The following PRPF18 variants were observed in gnomAD, a reference collection of about 807,000 sequenced individuals.
PRPF18 encodes the protein pre-mRNA-splicing factor 18.
PRPF18 carries 38 observed loss-of-function variants against 46.5 expected under a neutral mutation model. The observed-to-expected ratio is 0.82, with a 90% CI of 0.63 to 1.07. The LOEUF (loss-of-function observed/expected upper bound fraction) is 1.07. Among genes scored for constraint, PRPF18 ranks in the 50% least tolerant of loss-of-function variants. The pLI is 0.00. For missense variants in PRPF18, 263 were observed against 410.0 expected, an observed-to-expected ratio of 0.64 and a Z score of 3.10; for synonymous variants, 152 against 146.7, an observed-to-expected ratio of 1.04 and a Z score of -0.26.
At chr10:13,626,453 C>T (rs879425648) in intron 9 of PRPF18, among the ~76,000 whole-genome samples, 24 of 152,068 alleles carry the variant, frequency 1.6e-4, no homozygotes, top group African/African-American at 5.3e-4. Context: ...TTGCTTTGAA[C>T]GATATTTGTG....
At chr10:13,587,864 C>CA (rs1387879399) in intron 1 of PRPF18, among the ~76,000 whole-genome samples, 1 of 152,116 alleles carries the variant, frequency 6.6e-6, no homozygotes, top group Admixed American at 6.5e-5. Flanking sequence ...ATTCTTTGTT[C>CA]AAAACGCCAA....
At chr10:13,608,731 A>T (rs377137092) in intron 4 of PRPF18, among the ~76,000 whole-genome samples, 2 of 152,270 alleles carry the variant, frequency 1.3e-5, no homozygotes, top group East Asian at 1.9e-4. Flanking sequence ...GTGCATATTT[A>T]TCTCTTCCTG....
chr10:13,648,879 T>A, the PRPF18 span: 2 of 152,214 alleles, frequency 1.3e-5, no homozygotes, highest in Non-Finnish European at 2.9e-5. Flanking sequence ...TTAGGAACAC[T>A]TAGCCAGTGT....
downstream of PRPF18, among the ~76,000 whole-genome samples, chr10:13,633,203 G>C (rs1418621708): frequency 1.3e-5 from 2 of 152,168 alleles, no homozygotes; most frequent in Admixed American, 1.3e-4. Context: ...GGAAGGGAGC[G>C]GTCCTGAGAG....
At chr10:13,590,441 C>CAA (rs71721771) in intron 1 of PRPF18, among the ~76,000 whole-genome samples, 19,090 of 134,554 alleles carry the variant, frequency 0.14, 1,551 homozygotes, top group East Asian at 0.22. Flanking sequence ...ACTGAAAATA[C>CAA]AAAAAAAAAA....
intron 9 of PRPF18, among the ~76,000 whole-genome samples, chr10:13,621,349 G>A (rs1484126972): frequency 6.6e-6 from 1 of 152,166 alleles, no homozygotes; most frequent in African/African-American, 2.4e-5. Context: ...TTTGTAGGTT[G>A]GAGAAGAATG....
intron 8 of PRPF18, among the ~76,000 whole-genome samples, chr10:13,614,378 T>G (rs2080310824): frequency 6.6e-6 from 1 of 152,222 alleles, no homozygotes; most frequent in South Asian, 2.1e-4. Context: ...AGTGTTCATT[T>G]TATGAATTTC....
intron 1 of PRPF18, among the ~76,000 whole-genome samples, chr10:13,593,368 G>A (rs116427703): frequency 0.016 from 2,434 of 152,296 alleles, 61 homozygotes; most frequent in African/African-American, 0.052. Flanking sequence ...TCGAAGACTG[G>A]ATGAGATCAG....
intron 4 of PRPF18, among the ~76,000 whole-genome samples, chr10:13,606,285 A>T (rs1272796571): frequency 6.6e-6 from 1 of 152,196 alleles, no homozygotes; most frequent in Non-Finnish European, 1.5e-5. Flanking sequence ...TTTCATACAG[A>T]TGGACTCATA....
chr10:13,597,424 A>T (rs1269856536), intron 1 of PRPF18, 34 bp from the exon 2 acceptor site: 3 of 1,466,882 alleles, frequency 2.0e-6, no homozygotes, highest in Non-Finnish European at 2.8e-6. Context: ...TTGCTCAAGG[A>T]TATATTATTG....
chr10:13,620,022 T>C (rs545276045), intron 9 of PRPF18, among the ~76,000 whole-genome samples: 1 of 152,174 alleles, frequency 6.6e-6, no homozygotes, highest in Admixed American at 6.5e-5. Flanking sequence ...TTGGTTACAA[T>C]TTACTGATTG....
rs535065166 is a variant in PRPF18 at position 13,599,645 on chromosome 10, T to G, written c.145-599T>G. Among the ~76,000 whole-genome samples, 14 of 152,366 alleles carry G rather than the reference T, an allele frequency of 9.2e-5. No individual in the cohort carries two copies. The East Asian group carries it at 2.1e-3, about 23-fold the overall frequency. ...TTCCTGGGTGGCGTTAGTAGACAGG[T>G]GCTTTTTTCCTTGTGTTTCTGCAAG... On this transcript the variant is annotated intron_variant, in intron 2 of 9. Coordinates refer to ENST00000378572, the MANE Select transcript of PRPF18 (RefSeq NM_003675.4).
intron 9 of PRPF18, among the ~76,000 whole-genome samples, chr10:13,629,556 T>C (rs923898114): frequency 6.6e-6 from 1 of 152,224 alleles, no homozygotes; most frequent in Non-Finnish European, 1.5e-5. Context: ...GTCATTTCCT[T>C]TCTTTTTGAA....
rs2079957966 is a variant in PRPF18, at chr10:13,591,319, C to T, written c.66+4167C>T. ...TTTCACTGCCCCGTTCATAGCAATA[C>T]ATTTTTATATATTGATCTGATATGT... On this transcript the variant is annotated intron_variant, in intron 1 of 9. Coordinates refer to ENST00000378572, the MANE Select transcript of PRPF18 (RefSeq NM_003675.4). 5 of 305,244 alleles carry T rather than the reference C, an allele frequency of 1.6e-5. No homozygotes were observed. The East Asian group carries it at 2.2e-4, about 14-fold the overall frequency. 18.9% of individuals were successfully genotyped at this position (305,244 alleles called of 1,614,324 possible). A position where few individuals can be genotyped will look rare whatever the true frequency, so the allele number is the denominator to read the frequency against.
the PRPF18 span, among the ~76,000 whole-genome samples, chr10:13,649,031 G>A: frequency 6.6e-6 from 1 of 152,320 alleles, no homozygotes; most frequent in South Asian, 2.1e-4. Context: ...TCCTGGATTA[G>A]TTTGCCACAG....
intron 9 of PRPF18, among the ~76,000 whole-genome samples, chr10:13,621,610 C>G (rs1447484978): frequency 1.3e-5 from 2 of 152,146 alleles, no homozygotes; most frequent in East Asian, 1.9e-4. Flanking sequence ...GTAACATCCT[C>G]GAAACTACTA....
intron 3 of PRPF18, among the ~76,000 whole-genome samples, chr10:13,602,296 CTTGTT>C (rs1321984860): frequency 1.3e-5 from 2 of 152,048 alleles, no homozygotes; most frequent in Non-Finnish European, 1.5e-5. Flanking sequence ...GTTAATGTCT[CTTGTT>C]TTGTGGAATT....
At chr10:13,636,267 C>A in the PRPF18 span, among the ~76,000 whole-genome samples, 1 of 152,056 alleles carries the variant, frequency 6.6e-6, no homozygotes, top group Non-Finnish European at 1.5e-5. Context: ...ACAAAAAATA[C>A]AAAAATTAGC....
At chr10:13,626,128 A>T (rs1015638233) in intron 9 of PRPF18, among the ~76,000 whole-genome samples, 2 of 152,214 alleles carry the variant, frequency 1.3e-5, no homozygotes, top group African/African-American at 4.8e-5. Flanking sequence ...CTACCTGAGG[A>T]TGTCCTCCAT....
Sources: allele counts gnomAD v4.1 joint callset (sites outside exome capture counted in the v4.1 genomes callset), GRCh38; gene constraint gnomAD v4.1.1; transcripts MANE v1.5; gene names NCBI Gene and HGNC (gene_info 2026-07-23, HGNC 2026-07-21).